GADL1: variants seen among roughly 807,000 people sequenced by gnomAD.
GADL1 encodes the protein GAD like acidic amino acid decarboxylase 1.
GADL1 carries 71 observed loss-of-function variants against 69.5 expected under a neutral mutation model. That is an observed-to-expected ratio of 1.02 (90% confidence interval 0.84 to 1.25). The LOEUF is 1.25. Ranked by LOEUF, GADL1 falls within the 50% of genes most tolerant of loss-of-function variation. The pLI is 0.00. For missense variants in GADL1, 737 were observed against 631.8 expected (o/e 1.17, Z -1.79); for synonymous variants, 254 against 214.4 (o/e 1.18, Z -1.62).
At chr3:30,856,219 T>G (rs1246890798) in intron 3 of GADL1, among the ~76,000 whole-genome samples, 2 of 152,090 alleles carry the variant, frequency 1.3e-5, no homozygotes, top group Admixed American at 6.6e-5. Context: ...CTAAACTTAG[T>G]CCAGTGTCAG....
intron 12 of GADL1, among the ~76,000 whole-genome samples, chr3:30,794,556 C>T (rs912135255): frequency 1.3e-5 from 2 of 152,146 alleles, no homozygotes; most frequent in African/African-American, 4.8e-5. Flanking sequence ...TTGCTTTAGG[C>T]TCTCAGTGTC....
intron 11 of GADL1, among the ~76,000 whole-genome samples, chr3:30,814,269 A>T (rs1697417167): frequency 1.3e-5 from 2 of 152,188 alleles, no homozygotes; most frequent in Non-Finnish European, 2.9e-5. Flanking sequence ...CCATAGGTTC[A>T]TTTACCCACT....
intron 1 of GADL1, among the ~76,000 whole-genome samples, chr3:30,882,124 A>T (rs1449030910): frequency 6.6e-6 from 1 of 150,668 alleles, no homozygotes; most frequent in Non-Finnish European, 1.5e-5. Context: ...TATCCTTAAA[A>T]TATTTATTTT....
At chr3:30,861,990 A>G (rs1698327619) in intron 1 of GADL1, among the ~76,000 whole-genome samples, 1 of 151,864 alleles carries the variant, frequency 6.6e-6, no homozygotes, top group Non-Finnish European at 1.5e-5. Context: ...AAGTAAATCT[A>G]CCTTATTATA....
chr3:30,728,959 A>G (rs894475902), intron 14 of GADL1, among the ~76,000 whole-genome samples: 5 of 81,960 alleles, frequency 6.1e-5, no homozygotes, highest in Non-Finnish European at 1.6e-4. Context: ...TTTGAAGCCT[A>G]AGTTTATTAA....
intron 1 of GADL1, among the ~76,000 whole-genome samples, chr3:30,888,752 T>C (rs1031005949): frequency 6.6e-6 from 1 of 151,888 alleles, no homozygotes; most frequent in Non-Finnish European, 1.5e-5. Flanking sequence ...AGGGAAGATA[T>C]TAAAAATGAA....
chr3:30,866,803 T>C (rs552662412), intron 1 of GADL1, among the ~76,000 whole-genome samples: 7 of 152,168 alleles, frequency 4.6e-5, no homozygotes, highest in African/African-American at 1.7e-4. Context: ...TTATTTCTTA[T>C]ACCAGATTAT....
At chr3:30,869,458 C>T (rs888745646) in intron 1 of GADL1, among the ~76,000 whole-genome samples, 10 of 151,756 alleles carry the variant, frequency 6.6e-5, no homozygotes, top group African/African-American at 1.7e-4. Context: ...TGGGTAATGG[C>T]GACAAATGTG....
rs1374971438 is a variant in GADL1, at chr3:30,881,850, G to A, written c.37+12728C>T. 2.0e-5 allele frequency among the ~76,000 whole-genome samples: 3 copies of A among 151,888 alleles called. No homozygotes were observed. The East Asian group carries it at 5.8e-4, about 29-fold the overall frequency. On this transcript the variant is annotated intron_variant, in intron 1 of 14. Transcript: ENST00000282538. ...AAGTAATTAGGTCATGAGGGCTCCA[G>A]CCTCATGGGTGGGGGTTGAAGTTGT...
chr3:30,861,342 GTGATTAAGCTCTAGGGTCTCAGCCAATCT>G (rs1356909504), intron 2 of GADL1, among the ~76,000 whole-genome samples: 2 of 134,258 alleles, frequency 1.5e-5, no homozygotes, highest in African/African-American at 5.1e-5. Flanking sequence ...ATGTCCTTAT[GTGATTAAGCTCTAGGGTCTCAGCCAATCT>G]TCCCACGAAT....
chr3:30,864,010 G>T lies in GADL1; in HGVS notation c.38-2245C>A, dbSNP rs75734309. On this transcript the variant is annotated intron_variant, in intron 1 of 14. Coordinates refer to ENST00000282538, the MANE Select transcript of GADL1 (RefSeq NM_207359.3). The stretch of plus-strand genomic sequence containing the variant: ...AAAAGAAGCCATTTAGAGCTCCAAT[G>T]AAGAATGTTAGTTCCAGCCCTCACT... Among the ~76,000 whole-genome samples the T allele has an allele frequency of 2.6e-3, 399 of 152,102 alleles. 4 individuals are homozygous for T. The highest frequency in any genetic ancestry group is 9.1e-3 in the African/African-American group (379 of 41,558).
At chr3:30,815,879 T>C (rs993772335) in intron 11 of GADL1, among the ~76,000 whole-genome samples, 5 of 152,288 alleles carry the variant, frequency 3.3e-5, no homozygotes, top group African/African-American at 9.6e-5. Flanking sequence ...AAAGCATGGA[T>C]TGCGGACTAA....
rs11921654 is a variant in GADL1 at position 30,894,412 on chromosome 3, G to C, written c.37+166C>G. ...TTTGATTCTAAATAATAACCTTTTAGGTACGGAAAACGGAGAAAAAATCCA... is the reference window on the plus strand; with the variant it reads ...TTTGATTCTAAATAATAACCTTTTACGTACGGAAAACGGAGAAAAAATCCA... On this transcript the variant is annotated intron_variant, in intron 1 of 14. Coordinates refer to ENST00000282538, the MANE Select transcript of GADL1 (RefSeq NM_207359.3). 1.2e-3 allele frequency among the ~76,000 whole-genome samples: 190 copies of C among 152,270 alleles called. 2 individuals are homozygous for C. Among genetic ancestry groups the C allele is most frequent in the African/African-American group, 4.3e-3 (178 of 41,542 alleles).
chr3:30,810,936 TTACC>T (rs1697340714), intron 11 of GADL1, among the ~76,000 whole-genome samples: 2 of 152,276 alleles, frequency 1.3e-5, no homozygotes, highest in South Asian at 2.1e-4. Context: ...GGTTTACGCA[TTACC>T]AGCTATGAAC....
At chr3:30,826,498 C>A (rs1443233944) in intron 11 of GADL1, among the ~76,000 whole-genome samples, 1 of 151,822 alleles carries the variant, frequency 6.6e-6, no homozygotes, top group Non-Finnish European at 1.5e-5. Flanking sequence ...CAATAATAGG[C>A]AAAACCCCAA....
intron 1 of GADL1, among the ~76,000 whole-genome samples, chr3:30,867,105 G>T (rs1698414948): frequency 6.6e-6 from 1 of 151,906 alleles, no homozygotes; most frequent in Non-Finnish European, 1.5e-5. Context: ...GCCCATCTGA[G>T]GAAAGTGATC....
chr3:30,877,488 A>G (rs545761013), intron 1 of GADL1, among the ~76,000 whole-genome samples: 1 of 152,044 alleles, frequency 6.6e-6, no homozygotes, highest in South Asian at 2.1e-4. Flanking sequence ...ACTGCATCAT[A>G]CAAATTAGGT....
chr3:30,778,279 G>GA lies in GADL1; in HGVS notation c.1303-12dup. The GA allele has an allele frequency of 1.3e-6, 2 of 1,532,658 alleles. No homozygotes were observed. The highest frequency in any genetic ancestry group is 1.1e-5 in the South Asian group (1 of 88,062). The allele number at this position is 1,532,658 out of a possible 1,614,324, so 94.9% of individuals were successfully genotyped here. A position where few individuals can be genotyped will look rare whatever the true frequency, so the allele number is the denominator to read the frequency against. On this transcript the variant is annotated splice_polypyrimidine_tract_variant and intron_variant, in intron 13 of 14. Transcript: ENST00000282538. ...ATTGGCATATTCAGGCTGAGAATTA[G>GA]AAAAAATATAAAGTTGTTATCTTAA...
At chr3:30,808,847 G>A (rs560529924) in intron 11 of GADL1, among the ~76,000 whole-genome samples, 64 of 152,176 alleles carry the variant, frequency 4.2e-4, no homozygotes, top group Admixed American at 7.2e-4. Context: ...CATGTTACAA[G>A]TCCTATGATA....
Sources: gnomAD v4.1 joint callset for allele counts (sites outside exome capture counted in the v4.1 genomes callset) on GRCh38, gnomAD v4.1.1 for gene constraint, MANE v1.5 for transcripts, NCBI Gene and HGNC (gene_info 2026-07-23, HGNC 2026-07-21) for gene names.